The following SLC26A4 variants were observed in gnomAD, a reference collection of about 807,000 sequenced individuals.
SLC26A4 encodes the protein solute carrier family 26 member 4, also known as pendrin.
A neutral mutation model predicts 90.4 loss-of-function variants in SLC26A4; 93 were observed. The ratio of observed to expected loss-of-function variants is 1.03; its 90% CI spans 0.87 to 1.22. The LOEUF is 1.22. Among genes scored for constraint, SLC26A4 ranks in the 50% most tolerant of loss-of-function variants. The pLI is 0.00. For missense variants in SLC26A4, 1,127 were observed against 946.2 expected (o/e 1.19, Z -2.51); for synonymous variants, 393 against 354.6 (o/e 1.11, Z -1.22).
At chr7:107,713,319 C>A (rs1792244034) in intron 20 of SLC26A4, among the ~76,000 whole-genome samples, 1 of 152,238 alleles carries the variant, frequency 6.6e-6, no homozygotes, top group Non-Finnish European at 1.5e-5. Flanking sequence ...CATTTCCAGA[C>A]ATTGGCCACT....
At chr7:107,700,936 C>A (rs1287375990) in intron 15 of SLC26A4, among the ~76,000 whole-genome samples, 165 bp from the exon 16 acceptor site, 1 of 150,704 alleles carries the variant, frequency 6.6e-6, no homozygotes, top group Non-Finnish European at 1.5e-5. Flanking sequence ...AGTAGGGTAG[C>A]CTGGGAGTAG....
At chr7:107,714,252 G>A (rs564677016) in intron 20 of SLC26A4, among the ~76,000 whole-genome samples, 1 of 152,074 alleles carries the variant, frequency 6.6e-6, no homozygotes, top group African/African-American at 2.4e-5. Context: ...CTAACATCCA[G>A]GATATTGTCT....
In SLC26A4 at chr7:107,699,220, A is replaced by C. The variant is rs148805326; in HGVS notation, c.1615-863A>C. On this transcript the variant is annotated intron_variant, in intron 14 of 20. Coordinates refer to ENST00000644269, the MANE Select transcript of SLC26A4 (RefSeq NM_000441.2). ...CTGACTTCTAGGCTCCATCTTGGTG[A>C]GACTTTGCCCAAGTCATTCAGCCTC... Among the ~76,000 whole-genome samples, 653 of 152,176 alleles carry C rather than the reference A, an allele frequency of 4.3e-3. 3 individuals carry two copies. The highest frequency in any genetic ancestry group is 0.015 in the African/African-American group (611 of 41,506).
intron 6 of SLC26A4, among the ~76,000 whole-genome samples, chr7:107,679,846 C>T (rs1357322210): frequency 1.1e-5 from 1 of 89,122 alleles, no homozygotes; most frequent in Non-Finnish European, 2.4e-5. Flanking sequence ...ATTATATAAT[C>T]TTATATTATT....
At chr7:107,694,280 A>C (rs765858972) in intron 10 of SLC26A4, 123 bp from the exon 11 acceptor site, 10 of 764,326 alleles carry the variant, frequency 1.3e-5, no homozygotes, top group Non-Finnish European at 2.1e-5. Context: ...TATTGAGCAG[A>C]AGGGGGAGAC....
At chr7:107,694,177 A>G (rs1424922329) in intron 10 of SLC26A4, among the ~76,000 whole-genome samples, 2 of 152,218 alleles carry the variant, frequency 1.3e-5, no homozygotes, top group Non-Finnish European at 2.9e-5. Flanking sequence ...ATCAGTCCCC[A>G]TATTTTCTTT....
chr7:107,665,618 A>G (rs979486759), intron 3 of SLC26A4, among the ~76,000 whole-genome samples: 2 of 152,224 alleles, frequency 1.3e-5, no homozygotes, highest in African/African-American at 4.8e-5. Context: ...TATATAAAAA[A>G]TGGTGGTTCA....
intron 6 of SLC26A4, 76 bp from the exon 7 acceptor site, chr7:107,683,126 T>TTG (rs151187651): frequency 4.3e-5 from 45 of 1,045,880 alleles, no homozygotes; most frequent in South Asian, 1.2e-4. Flanking sequence ...TGAGAATTGA[T>TTG]TGTGTGTGTG....
intron 8 of SLC26A4, among the ~76,000 whole-genome samples, chr7:107,686,281 C>CCCTCCCTTT (rs1157915097): frequency 6.4e-5 from 8 of 124,640 alleles, no homozygotes; most frequent in African/African-American, 2.4e-4. Context: ...TCCCTCCCTT[C>CCCTCCCTTT]CCTCCCTTTC....
intron 18 of SLC26A4, 59 bp downstream of exon 18, chr7:107,704,444 TC>T: frequency 1.3e-6 from 1 of 769,062 alleles, no homozygotes; most frequent in South Asian, 1.5e-5. Context: ...CTTTCTCCTA[TC>T]TGGGACTGTG....
chr7:107,710,678 T>A (rs1261053546), intron 19 of SLC26A4, among the ~76,000 whole-genome samples: 2 of 152,220 alleles, frequency 1.3e-5, no homozygotes, highest in Admixed American at 6.5e-5. Flanking sequence ...AATTTTTCCC[T>A]ACAAAATAGA....
rs372120199 is a variant in SLC26A4 at position 107,672,258 on chromosome 7, A to G, written c.415+10A>G. The G allele has an allele frequency of 4.0e-6, 6 of 1,507,004 alleles. No homozygotes were observed. The African/African-American group carries it at 5.5e-5, about 14-fold the overall frequency. The allele number at this position is 1,507,004 out of a possible 1,614,324, so 93.4% of individuals were successfully genotyped here. A position where few individuals can be genotyped will look rare whatever the true frequency, so the allele number is the denominator to read the frequency against. On this transcript the variant is annotated intron_variant, in intron 4 of 20. Coordinates refer to ENST00000644269, the MANE Select transcript of SLC26A4 (RefSeq NM_000441.2). ...AGACATATCTCAGTTGGTAATTATA[A>G]GTATATTTTACAATTATATTTGCTC...
chr7:107,713,098 A>G (rs1333785652), intron 20 of SLC26A4, among the ~76,000 whole-genome samples: 1 of 152,228 alleles, frequency 6.6e-6, no homozygotes, highest in Non-Finnish European at 1.5e-5. Flanking sequence ...CTCTTGTGAC[A>G]TCAGACTATT....
intron 3 of SLC26A4, among the ~76,000 whole-genome samples, chr7:107,663,973 G>C (rs1790644639): frequency 6.6e-6 from 1 of 151,934 alleles, no homozygotes; most frequent in African/African-American, 2.4e-5. Context: ...GTGAGCCACT[G>C]CACCCAGCCA....
intron 18 of SLC26A4, among the ~76,000 whole-genome samples, chr7:107,705,297 C>T (rs545279038): frequency 1.3e-4 from 20 of 152,282 alleles, no homozygotes; most frequent in Non-Finnish European, 2.9e-4. Flanking sequence ...TCCTCATTAT[C>T]ATGTATGTCT....
Position 107,666,986 on chromosome 7 carries a change from A to G in SLC26A4, c.304+3551A>G, listed in dbSNP as rs572863430. ...ATATTGTGCAGCAAGAATCACTGAC[A>G]CATAATGATGAGTGTGGATGAAAAT... On this transcript the variant is annotated intron_variant, in intron 3 of 20. Transcript: ENST00000644269. Among the ~76,000 whole-genome samples the G allele has an allele frequency of 9.2e-5, 14 of 152,358 alleles. No individual in the cohort carries two copies. In the South Asian group the frequency reaches 2.9e-3, roughly 32 times the overall value.
At chr7:107,699,040 A>G (rs920581240) in intron 14 of SLC26A4, among the ~76,000 whole-genome samples, 1 of 152,216 alleles carries the variant, frequency 6.6e-6, no homozygotes. Flanking sequence ...TTAACATTAA[A>G]AAAAGTTGGA....
chr7:107,677,353 G>A (rs1158773335), intron 6 of SLC26A4, among the ~76,000 whole-genome samples: 1 of 152,218 alleles, frequency 6.6e-6, no homozygotes, highest in East Asian at 1.9e-4. Flanking sequence ...AGTAGTAATA[G>A]TAGCTACCTC....
chr7:107,686,348 C>T (rs1791406627), intron 8 of SLC26A4, among the ~76,000 whole-genome samples: 1 of 138,388 alleles, frequency 7.2e-6, no homozygotes, highest in Non-Finnish European at 1.6e-5. Context: ...TCCCTTTCCT[C>T]CCCTTCCTAC....
Sources: allele counts gnomAD v4.1 joint callset (sites outside exome capture counted in the v4.1 genomes callset), GRCh38; gene constraint gnomAD v4.1.1; transcripts MANE v1.5; gene names NCBI Gene and HGNC (gene_info 2026-07-23, HGNC 2026-07-21).